The following PTH2R variants were observed in gnomAD, a reference collection of about 807,000 sequenced individuals.
The protein encoded by PTH2R is PTH2 receptor.
PTH2R carries 59 observed loss-of-function variants against 60.3 expected under a neutral mutation model. The observed-to-expected ratio is 0.98, with a 90% CI of 0.79 to 1.22. The LOEUF is 1.22. Ranked by LOEUF, PTH2R falls within the 50% of genes most tolerant of loss-of-function variation. The probability of loss-of-function intolerance (pLI) is 0.00; values close to 1 mark genes in which losing one functional copy is unlikely to be tolerated. For missense variants in PTH2R, 749 were observed against 682.6 expected (o/e 1.10, Z -1.08); for synonymous variants, 256 against 243.8 (o/e 1.05, Z -0.47).
At chr2:208,438,851 C>T (rs1702129001) in intron 4 of PTH2R, among the ~76,000 whole-genome samples, 1 of 152,086 alleles carries the variant, frequency 6.6e-6, no homozygotes, top group African/African-American at 2.4e-5. Flanking sequence ...AACTTCCTGT[C>T]TTAACTTTCT....
intron 1 of PTH2R, among the ~76,000 whole-genome samples, chr2:208,366,477 G>A (rs1341078813): frequency 1.3e-5 from 2 of 152,166 alleles, no homozygotes; most frequent in East Asian, 3.9e-4. Flanking sequence ...CAATACCCTT[G>A]TCTTGCTAGT....
chr2:208,388,036 G>A (rs6755103), intron 1 of PTH2R, among the ~76,000 whole-genome samples: 137,223 of 151,892 alleles, frequency 0.9, 63,097 homozygotes, highest in Non-Finnish European at 0.98. Context: ...TCAGCCGGGC[G>A]CGGTGGCTCA....
At chr2:208,428,179 T>C (rs768346230) in intron 1 of PTH2R, 22 bp from the exon 2 acceptor site, 2 of 1,543,522 alleles carry the variant, frequency 1.3e-6, no homozygotes, top group Admixed American at 3.4e-5. Flanking sequence ...TGAAAATGTT[T>C]GTATTTTGTT....
At chr2:208,421,501 T>C (rs192028184) in intron 1 of PTH2R, among the ~76,000 whole-genome samples, 372 of 152,232 alleles carry the variant, frequency 2.4e-3, no homozygotes, top group Non-Finnish European at 4.7e-3. Flanking sequence ...TAAACAAAAA[T>C]AGTTTCATGG....
At chr2:208,436,168 G>A (rs1195520912) in intron 2 of PTH2R, among the ~76,000 whole-genome samples, 2 of 152,166 alleles carry the variant, frequency 1.3e-5, no homozygotes, top group Non-Finnish European at 2.9e-5. Context: ...ATATTGGAAG[G>A]TGATGAGAAC....
At chr2:208,457,204 T>C (rs1559225968) in intron 8 of PTH2R, among the ~76,000 whole-genome samples, 1 of 152,212 alleles carries the variant, frequency 6.6e-6, no homozygotes, top group Non-Finnish European at 1.5e-5. Flanking sequence ...ACCTTCCTTA[T>C]GGTAGAAAGC....
chr2:208,414,036 G>A (rs1412250004), intron 1 of PTH2R, among the ~76,000 whole-genome samples: 2 of 152,128 alleles, frequency 1.3e-5, no homozygotes, highest in African/African-American at 4.8e-5. Flanking sequence ...GCACCTAATG[G>A]GAAAGGAATA....
intron 1 of PTH2R, among the ~76,000 whole-genome samples, chr2:208,380,525 AC>A (rs1016208719): frequency 1.3e-5 from 2 of 151,214 alleles, no homozygotes; most frequent in African/African-American, 4.9e-5. Context: ...TTAAATTATC[AC>A]CCCCCTTCCT....
rs116268879 is a variant in PTH2R at position 208,373,032 on chromosome 2, G to T, written c.-259+12795G>T. 2.6e-3 allele frequency among the ~76,000 whole-genome samples: 396 copies of T among 152,212 alleles called. 2 individuals are homozygous for T. Among genetic ancestry groups the T allele is most frequent in the African/African-American group, 8.7e-3 (361 of 41,480 alleles). Reference sequence around the variant, plus strand: ...GCTCGGGATGTGGAGGCTGCAGTGAGCAAAGCTCACACCACTGCACTCTAG... The same window carrying T: ...GCTCGGGATGTGGAGGCTGCAGTGATCAAAGCTCACACCACTGCACTCTAG... On this transcript the variant is annotated intron_variant, in intron 1 of 12. Coordinates refer to the PTH2R transcript ENST00000617735.
intron 9 of PTH2R, among the ~76,000 whole-genome samples, chr2:208,462,071 C>G (rs1702645512): frequency 6.6e-6 from 1 of 152,174 alleles, no homozygotes; most frequent in Non-Finnish European, 1.5e-5. Flanking sequence ...GAATATCTTT[C>G]TGTTCACTAA....
At chr2:208,472,119 G>T (rs1286523121) in intron 9 of PTH2R, among the ~76,000 whole-genome samples, 1 of 152,128 alleles carries the variant, frequency 6.6e-6, no homozygotes, top group Admixed American at 6.5e-5. Flanking sequence ...TGATTTTACA[G>T]ACTCATAGGC....
At chr2:208,413,110 G>A (rs1701573544) in intron 1 of PTH2R, among the ~76,000 whole-genome samples, 1 of 149,100 alleles carries the variant, frequency 6.7e-6, no homozygotes, top group African/African-American at 2.5e-5. Flanking sequence ...CACAGATGTA[G>A]TTATTTCATC....
chr2:208,450,915 A>G, intron 8 of PTH2R, 106 bp downstream of exon 8: 1 of 1,266,742 alleles, frequency 7.9e-7, no homozygotes, highest in South Asian at 1.2e-5. Flanking sequence ...ATTGCTTTTT[A>G]GGGATGCCAC....
intron 1 of PTH2R, among the ~76,000 whole-genome samples, chr2:208,370,760 A>G (rs1700685449): frequency 6.6e-6 from 1 of 151,994 alleles, no homozygotes; most frequent in Admixed American, 6.5e-5. Flanking sequence ...CCTAACCCCA[A>G]TTTATACCCA....
At chr2:208,430,843 G>C (rs986035917) in intron 2 of PTH2R, among the ~76,000 whole-genome samples, 1 of 152,240 alleles carries the variant, frequency 6.6e-6, no homozygotes, top group South Asian at 2.1e-4. Flanking sequence ...GGGATTGCAG[G>C]TGTGAGCCAG....
intron 1 of PTH2R, among the ~76,000 whole-genome samples, chr2:208,422,294 A>G (rs1212029983): frequency 6.6e-6 from 1 of 152,200 alleles, no homozygotes; most frequent in Non-Finnish European, 1.5e-5. Flanking sequence ...TTAATCTTGG[A>G]TGAAGACAGA....
intron 9 of PTH2R, among the ~76,000 whole-genome samples, chr2:208,478,436 A>T (rs1703069306): frequency 6.6e-6 from 1 of 151,972 alleles, no homozygotes; most frequent in Non-Finnish European, 1.5e-5. Flanking sequence ...TTCCTCCATC[A>T]TCAAAGCCAA....
intron 10 of PTH2R, among the ~76,000 whole-genome samples, chr2:208,485,366 A>T (rs1252245264): frequency 6.6e-6 from 1 of 152,140 alleles, no homozygotes; most frequent in Non-Finnish European, 1.5e-5. Flanking sequence ...AAACCAGAAG[A>T]CTGCTATCAG....
chr2:208,422,300 A>G (rs1701772017), intron 1 of PTH2R, among the ~76,000 whole-genome samples: 1 of 152,224 alleles, frequency 6.6e-6, no homozygotes, highest in Admixed American at 6.5e-5. Flanking sequence ...TTGGATGAAG[A>G]CAGACACATA....
Sources: gnomAD v4.1 joint callset for allele counts (sites outside exome capture counted in the v4.1 genomes callset) on GRCh38, gnomAD v4.1.1 for gene constraint, MANE v1.5 for transcripts, NCBI Gene and HGNC (gene_info 2026-07-23, HGNC 2026-07-21) for gene names.